PLEKHO1: variants seen among roughly 807,000 people sequenced by gnomAD.
PLEKHO1 encodes the protein pleckstrin homology domain containing O1, also known as pleckstrin homology domain-containing family O member 1.
Under a neutral mutation model 41.4 loss-of-function variants are expected in PLEKHO1, and 22 were observed. That is an observed-to-expected ratio of 0.53 (90% CI 0.38 to 0.76). The LOEUF (loss-of-function observed/expected upper bound fraction) is 0.76, where lower values mean the gene tolerates loss of function less well. Among genes scored for constraint, PLEKHO1 ranks in the 30% least tolerant of loss-of-function variants. The probability of loss-of-function intolerance (pLI) is 0.00; values close to 1 mark genes in which losing one functional copy is unlikely to be tolerated. For synonymous variants in PLEKHO1, 225 were observed against 210.8 expected (o/e 1.07, Z -0.58); for missense variants, 488 against 518.3 (o/e 0.94, Z 0.57).
At position 150,159,434 on chromosome 1, in the gene PLEKHO1, G is replaced by T. The variant is rs1660339692; in HGVS notation, c.1141G>T (p.Asp381Tyr). 1.2e-6 allele frequency: 2 copies of T among 1,613,996 alleles called. No homozygotes were observed. The highest frequency in any genetic ancestry group is 3.3e-5 in the Admixed American group (2 of 59,998). The part of the protein sequence containing the change: ...RVLQEVRELR[D>Y]LYRQMDLQTP... ...GCTGCAGGAGGTCAGGGAGCTGAGA[G>T]ACCTGTACAGACAGATGGACCTGCA... is the stretch of plus-strand genomic sequence containing the variant. The change falls in exon 6 of 6, where the codon GAC becomes TAC. Residue 381 changes from aspartate to tyrosine, a missense_variant. Transcript: ENST00000369124.
upstream of PLEKHO1, chr1:150,149,900 G>C (rs1296070213): frequency 3.3e-5 from 5 of 151,414 alleles, no homozygotes; most frequent in Non-Finnish European, 5.9e-5. Context: ...GCTGCGGGGT[G>C]CGGACTGGGC....
At position 150,159,830 on chromosome 1, in the gene PLEKHO1, C is replaced by T. The variant is rs1660363112; in HGVS notation, c.*307C>T. ...CACACCGCCCGCCCCCAAGACGGCA[C>T]AGGGAGTCCACTGCTGCTCCCAAGG... On this transcript the variant is annotated 3_prime_UTR_variant, in exon 6 of 6. Transcript: ENST00000369124. 1 of 255,440 alleles carries T rather than the reference C, an allele frequency of 3.9e-6. No homozygotes were observed. 15.8% of individuals were successfully genotyped at this position (255,440 alleles called of 1,614,324 possible).
At position 150,159,215 on chromosome 1, in the gene PLEKHO1, A is replaced by C. The variant is rs79398675; in HGVS notation, c.922A>C (p.Ile308Leu). 5 of 1,614,070 alleles carry C rather than the reference A, an allele frequency of 3.1e-6. No individual in the cohort carries two copies. The East Asian group carries it at 1.1e-4, about 36-fold the overall frequency. Residue 308 changes from isoleucine (I) to leucine (L), a missense_variant, in exon 6 of 6, where the codon ATC becomes CTC. Ile to Leu is a conservative substitution (Grantham distance 5). Around this residue, in one of 3 missense-constraint regions of PLEKHO1, gnomAD observed 337 missense variants for 324.6 expected, o/e 1.04. Transcript: ENST00000369124. ...ALPNPGQLSR[I>L]QDLVARKLEE... ...CCCCAACCCGGGGCAGCTGTCCCGG[A>C]TCCAGGACCTGGTAGCAAGGAAACT...
At chr1:150,156,026 A>G (rs1553820313) in intron 2 of PLEKHO1, 40 bp from the exon 3 acceptor site, 2 of 1,587,314 alleles carry the variant, frequency 1.3e-6, no homozygotes. Context: ...GAGGGGCTAA[A>G]TAATTTTATC....
At position 150,159,688 on chromosome 1, in the gene PLEKHO1, C is replaced by G. The variant is rs1265696821; in HGVS notation, c.*165C>G. 1.3e-5 allele frequency: 7 copies of G among 553,388 alleles called. No homozygotes were observed. Among genetic ancestry groups the G allele is most frequent in the Non-Finnish European group, 2.3e-5 (7 of 308,314 alleles). 34.3% of individuals were successfully genotyped at this position (553,388 alleles called of 1,614,324 possible). A position where few individuals can be genotyped will look rare whatever the true frequency, so the allele number is the denominator to read the frequency against. ...CAACCCTTATTGCCCCACCTACTTT[C>G]CATATGCCCCTCGTATGCCCCTCAG... On this transcript the variant is annotated 3_prime_UTR_variant, in exon 6 of 6. Transcript: ENST00000369124.
At position 150,156,944 on chromosome 1, in the gene PLEKHO1, G is replaced by A. The variant is rs1259903585; in HGVS notation, c.352G>A (p.Glu118Lys). 2.5e-6 allele frequency: 4 copies of A among 1,613,630 alleles called. No individual in the cohort carries two copies. The highest frequency in any genetic ancestry group is 3.4e-6 in the Non-Finnish European group (4 of 1,179,682). ...CCTGATCTTCCTGGCAGTGAGTCCAGAAGAGAAGGAATCGTGGATCAATGC... is the reference window on the plus strand; with the variant it reads ...CCTGATCTTCCTGGCAGTGAGTCCAAAAGAGAAGGAATCGTGGATCAATGC... ...PNLIFLAVSPEEKESWINALN... is the reference protein window; with the variant it reads ...PNLIFLAVSPKEKESWINALN... The change falls in exon 4 of 6, where the codon GAA (glutamate) becomes AAA (lysine). Residue 118 changes from glutamate to lysine, a missense_variant. Glu to Lys is a moderately conservative substitution (Grantham distance 56, BLOSUM62 1). Coordinates refer to ENST00000369124, the MANE Select transcript of PLEKHO1 (RefSeq NM_016274.6).
chr1:150,150,627 C>T (rs1161587384), intron 1 of PLEKHO1: 2 of 309,666 alleles, frequency 6.5e-6, no homozygotes, highest in Non-Finnish European at 1.2e-5. Context: ...GACGGGGCGG[C>T]GGGGGCGCAG....
rs1352791239 is a variant in PLEKHO1, at chr1:150,159,608, CAAAA to C, written c.*89_*92del. On this transcript the variant is annotated 3_prime_UTR_variant, in exon 6 of 6. Coordinates refer to ENST00000369124, the MANE Select transcript of PLEKHO1 (RefSeq NM_016274.6). ...ATAAAGCTTTTTTATTTACCTCAAT[CAAAA>C]AAAGAAAACAAAAATGAACTCATTG... 4 of 925,280 alleles carry C rather than the reference CAAAA, an allele frequency of 4.3e-6. No individual in the cohort carries two copies. The South Asian group carries it at 5.7e-5, about 13-fold the overall frequency. The allele number at this position is 925,280 out of a possible 1,614,324, so 57.3% of individuals were successfully genotyped here.
chr1:150,159,463 C>T lies in PLEKHO1; in HGVS notation c.1170C>T (p.Thr390=), dbSNP rs1386986363. 2 of 1,613,914 alleles carry T rather than the reference C, an allele frequency of 1.2e-6. No homozygotes were observed. Among genetic ancestry groups the T allele is most frequent in the Admixed American group, 1.7e-5 (1 of 59,990 alleles). The change falls in exon 6 of 6, where the codon ACC becomes ACT. Residue 390 remains threonine (T), a synonymous_variant. Transcript: ENST00000369124. ...RDLYRQMDLQ[T]PDSHLRQTTP... The stretch of plus-strand genomic sequence containing the variant: ...TGTACAGACAGATGGACCTGCAGAC[C>T]CCGGACTCCCACCTCAGACAGACCA...
intron 2 of PLEKHO1, among the ~76,000 whole-genome samples, chr1:150,152,432 G>A (rs1659974152): frequency 6.6e-6 from 1 of 152,066 alleles, no homozygotes; most frequent in Non-Finnish European, 1.5e-5. Flanking sequence ...CCTTGGAGTA[G>A]CTGGGACTAC....
Position 150,159,688 on chromosome 1 carries a change from CCATATGCCCCT to C in PLEKHO1, c.*167_*177del, listed in dbSNP as rs1559964983. 3.6e-6 allele frequency: 2 copies of C among 553,388 alleles called. No individual in the cohort carries two copies. Among genetic ancestry groups the C allele is most frequent in the Admixed American group, 3.1e-5 (1 of 32,406 alleles). 34.3% of individuals were successfully genotyped at this position (553,388 alleles called of 1,614,324 possible). On this transcript the variant is annotated 3_prime_UTR_variant, in exon 6 of 6. Coordinates refer to ENST00000369124, the MANE Select transcript of PLEKHO1 (RefSeq NM_016274.6). Reference sequence around the variant, plus strand: ...CAACCCTTATTGCCCCACCTACTTTCCATATGCCCCTCGTATGCCCCTCAGGTTTGAGGAAG... The same window carrying C: ...CAACCCTTATTGCCCCACCTACTTTCCGTATGCCCCTCAGGTTTGAGGAAG...
At chr1:150,157,540 C>A in intron 5 of PLEKHO1, 54 bp downstream of exon 5, 1 of 1,279,974 alleles carries the variant, frequency 7.8e-7, no homozygotes, top group Non-Finnish European at 1.1e-6. Flanking sequence ...GTCAGTCCAT[C>A]TCAGACAGAA....
intron 2 of PLEKHO1, 81 bp downstream of exon 2, chr1:150,151,139 C>CA: frequency 6.6e-7 from 1 of 1,525,388 alleles, no homozygotes; most frequent in Non-Finnish European, 9.0e-7. Flanking sequence ...TAGCTTACTC[C>CA]ACCCCCGTTT....
intron 2 of PLEKHO1, 64 bp downstream of exon 2, chr1:150,151,122 G>A (rs782712943): frequency 4.6e-5 from 73 of 1,576,764 alleles, no homozygotes; most frequent in Non-Finnish European, 6.3e-5. Flanking sequence ...CTCCCCAAGG[G>A]CTCGCCTAGC....
rs1553818836 is a variant in PLEKHO1, at chr1:150,151,048, C to T, written c.167C>T (p.Ser56Phe). 8.1e-6 allele frequency: 13 copies of T among 1,614,106 alleles called. No individual in the cohort carries two copies. Among genetic ancestry groups the T allele is most frequent in the Non-Finnish European group, 1.1e-5 (13 of 1,179,966 alleles). Residue 56 changes from serine to phenylalanine, a missense_variant, in exon 2 of 6, where the codon TCT (serine) becomes TTT (phenylalanine). This residue lies in a region of PLEKHO1 where 92 missense variants were observed against 82.3 expected (regional missense o/e 1.12). Coordinates refer to ENST00000369124, the MANE Select transcript of PLEKHO1 (RefSeq NM_016274.6). The part of the protein sequence containing the change: ...VVLKGDQLYI[S>F]EKEVKDEKNI... Reference sequence around the variant, plus strand: ...CTGAAAGGGGACCAGCTCTACATCTCTGAGAAGGAGGTGGGTGCCTCTTGC... The same window carrying T: ...CTGAAAGGGGACCAGCTCTACATCTTTGAGAAGGAGGTGGGTGCCTCTTGC...
At position 150,156,215 on chromosome 1, in the gene PLEKHO1, C is replaced by T. The variant is rs1553820389; in HGVS notation, c.318+9C>T. On this transcript the variant is annotated intron_variant, in intron 3 of 5. Transcript: ENST00000369124. Reference sequence around the variant, plus strand: ...AACAGCCCGGTAACACGGTATGTTTCTCCTGCCACCTTGGCTGCTGGAACA... The same window carrying T: ...AACAGCCCGGTAACACGGTATGTTTTTCCTGCCACCTTGGCTGCTGGAACA... 1 of 1,611,792 alleles carries T rather than the reference C, an allele frequency of 6.2e-7. No individual in the cohort carries two copies. The highest frequency in any genetic ancestry group is 1.3e-5 in the African/African-American group (1 of 74,970).
chr1:150,159,955 C>T lies in PLEKHO1; in HGVS notation c.*432C>T, dbSNP rs898053258. 14 of 158,328 alleles carry T rather than the reference C, an allele frequency of 8.8e-5. No homozygotes were observed. The highest frequency in any genetic ancestry group is 1.9e-4 in the Non-Finnish European group (14 of 71,920). 9.8% of individuals were successfully genotyped at this position (158,328 alleles called of 1,614,324 possible). On this transcript the variant is annotated 3_prime_UTR_variant, in exon 6 of 6. Coordinates refer to ENST00000369124, the MANE Select transcript of PLEKHO1 (RefSeq NM_016274.6). Reference sequence around the variant, plus strand: ...GTTTGAGGGTGAAGTTTCAGCTGCCCAACTCTAGTTGTAGGGATGTGGAGG... The same window carrying T: ...GTTTGAGGGTGAAGTTTCAGCTGCCTAACTCTAGTTGTAGGGATGTGGAGG...
intron 3 of PLEKHO1, 29 bp downstream of exon 3, chr1:150,156,235 G>C (rs1553820404): frequency 6.2e-6 from 10 of 1,606,006 alleles, no homozygotes; most frequent in Non-Finnish European, 7.7e-6. Flanking sequence ...CTTGGCTGCT[G>C]GAACATGGAC....
chr1:150,150,681 C>A, intron 1 of PLEKHO1: 1 of 512,406 alleles, frequency 2.0e-6, no homozygotes. Context: ...CGGCCGGCGC[C>A]CCTGCCACTT....
Sources: allele counts gnomAD v4.1 joint callset (sites outside exome capture counted in the v4.1 genomes callset), GRCh38; gene constraint gnomAD v4.1.1; regional missense constraint gnomAD v4.1.1; transcripts MANE v1.5; gene names NCBI Gene and HGNC (gene_info 2026-07-23, HGNC 2026-07-21).